RAP1B: variants seen among roughly 807,000 people sequenced by gnomAD.
The protein encoded by RAP1B is ras-related protein Rap-1b.
In RAP1B, 1 loss-of-function variant was observed where a neutral mutation model predicts 27.5. The ratio of observed to expected loss-of-function variants is 0.04; its 90% CI spans 0.01 to 0.17. The LOEUF is 0.17. Among genes scored for constraint, RAP1B ranks in the 10% least tolerant of loss-of-function variants. The pLI is 1.00. For missense variants in RAP1B, 84 were observed against 214.8 expected (o/e 0.39, Z 3.81); for synonymous variants, 75 against 73.1 (o/e 1.03, Z -0.13).
At chr12:68,648,920 T>G in intron 2 of RAP1B, 139 bp downstream of exon 2, 3 of 752,474 alleles carry the variant, frequency 4.0e-6, no homozygotes, top group Non-Finnish European at 6.3e-6. Flanking sequence ...TTCTTGTAAT[T>G]TTATTCAACT....
intron 1 of RAP1B, among the ~76,000 whole-genome samples, chr12:68,632,135 TTTTTTTTTTTGTTTG>T (rs1209013339): frequency 4.5e-5 from 6 of 133,620 alleles, no homozygotes; most frequent in African/African-American, 2.0e-4. Context: ...ATTTGTTTTT[TTTTTTTTTTTGTTTG>T]TTTTTTTTTT....
At chr12:68,639,817 C>G (rs1174652234) in intron 1 of RAP1B, among the ~76,000 whole-genome samples, 2 of 151,992 alleles carry the variant, frequency 1.3e-5, no homozygotes, top group Non-Finnish European at 2.9e-5. Flanking sequence ...CAGCCACAAA[C>G]TAATTAGCAT....
intron 1 of RAP1B, among the ~76,000 whole-genome samples, chr12:68,612,426 A>G (rs1592411384): frequency 6.6e-6 from 1 of 152,204 alleles, no homozygotes; most frequent in East Asian, 1.9e-4. Context: ...GGGACTTTTT[A>G]AGGGCCGGAA....
At chr12:68,627,352 C>G in intron 1 of RAP1B, 1 of 721,810 alleles carries the variant, frequency 1.4e-6, no homozygotes, top group Admixed American at 1.8e-5. Flanking sequence ...AGGAAAGGAA[C>G]TCAGTTGGCT....
At chr12:68,633,080 A>AT (rs1872380970) in intron 1 of RAP1B, among the ~76,000 whole-genome samples, 2 of 152,156 alleles carry the variant, frequency 1.3e-5, no homozygotes, top group South Asian at 4.1e-4. Context: ...TTTGTGCAGT[A>AT]TTTTTTTCTG....
intron 4 of RAP1B, among the ~76,000 whole-genome samples, chr12:68,652,264 A>C (rs1358567102): frequency 1.3e-5 from 2 of 151,926 alleles, no homozygotes; most frequent in Non-Finnish European, 2.9e-5. Flanking sequence ...TGGCCAACAT[A>C]GTGAAACCCC....
At chr12:68,649,090 G>T (rs1873628689) in intron 2 of RAP1B, 2 of 249,356 alleles carry the variant, frequency 8.0e-6, no homozygotes, top group East Asian at 8.4e-5. Flanking sequence ...AATAAATTTT[G>T]GTCTTTTTAT....
chr12:68,618,872 A>G (rs1419336078), intron 1 of RAP1B, among the ~76,000 whole-genome samples: 1 of 152,192 alleles, frequency 6.6e-6, no homozygotes, highest in Non-Finnish European at 1.5e-5. Flanking sequence ...TGGCGAGGCC[A>G]TGGACAGCAA....
Position 68,671,563 on chromosome 12 carries a change from T to C in RAP1B, c.*12314T>C, listed in dbSNP as rs1212789889. ...AAAACAGAATACCGAGAAGGATGTA[T>C]GTGAGGGATGCATGTGGGCACCTGG... On this transcript the variant is annotated 3_prime_UTR_variant, in exon 8 of 8. Coordinates refer to ENST00000250559, the MANE Select transcript of RAP1B (RefSeq NM_001010942.3). 2.0e-5 allele frequency: 3 copies of C among 151,788 alleles called. No individual in the cohort carries two copies. The highest frequency in any genetic ancestry group is 4.4e-5 in the Non-Finnish European group (3 of 67,936). The allele number at this position is 151,788 out of a possible 1,614,324, so 9.4% of individuals were successfully genotyped here.
At chr12:68,627,158 A>T in intron 1 of RAP1B, 1 of 1,566,352 alleles carries the variant, frequency 6.4e-7, no homozygotes, top group Non-Finnish European at 8.7e-7. Context: ...GGGGCTTCCC[A>T]AAGGCACCTC....
chr12:68,652,959 C>G (rs1189230687), intron 4 of RAP1B, among the ~76,000 whole-genome samples: 3 of 152,190 alleles, frequency 2.0e-5, no homozygotes, highest in Non-Finnish European at 2.9e-5. Context: ...CTTGTAATCC[C>G]AGCACTTTGG....
At chr12:68,642,434 T>C in intron 1 of RAP1B, 1 of 624,950 alleles carries the variant, frequency 1.6e-6, no homozygotes. Flanking sequence ...ATTATGGTGC[T>C]ATTGGTCTAC....
chr12:68,656,626 GTC>G (rs1874228118), intron 6 of RAP1B, 177 bp downstream of exon 6: 1 of 638,150 alleles, frequency 1.6e-6, no homozygotes, highest in Non-Finnish European at 2.7e-6. Flanking sequence ...TACTATTTCA[GTC>G]TCTATTAAAT....
chr12:68,620,175 T>TTGG (rs1408378906), intron 1 of RAP1B, among the ~76,000 whole-genome samples: 1 of 151,834 alleles, frequency 6.6e-6, no homozygotes, highest in Non-Finnish European at 1.5e-5. Context: ...ATGCTGTTTC[T>TTGG]TGGTGGTGGT....
chr12:68,657,115 A>G lies in RAP1B; in HGVS notation c.483A>G (p.Leu161=), dbSNP rs1441526196. ...TGTATTTGCAGATCTTTTATGACCTAGTGCGGCAAATTAACAGAAAAACTC... is the reference window on the plus strand; with the variant it reads ...TGTATTTGCAGATCTTTTATGACCTGGTGCGGCAAATTAACAGAAAAACTC... ...KINVNEIFYD[L]VRQINRKTPV... The change falls in exon 7 of 8, where the codon CTA becomes CTG. Residue 161 remains leucine, a synonymous_variant. Transcript: ENST00000250559. The G allele has an allele frequency of 4.3e-6, 7 of 1,613,510 alleles. No individual in the cohort carries two copies. Among genetic ancestry groups the G allele is most frequent in the Admixed American group, 1.7e-5 (1 of 60,004 alleles).
At chr12:68,658,482 TAAC>T (rs1290253566) in intron 7 of RAP1B, among the ~76,000 whole-genome samples, 2 of 152,212 alleles carry the variant, frequency 1.3e-5, no homozygotes, top group African/African-American at 2.4e-5. Flanking sequence ...ACATATGTAT[TAAC>T]AACTCTTCTG....
intron 1 of RAP1B, chr12:68,643,031 A>G (rs1873134084): frequency 2.7e-6 from 2 of 745,864 alleles, no homozygotes; most frequent in East Asian, 2.4e-5. Context: ...CCCACGGTCC[A>G]CTGCAGCCGC....
intron 6 of RAP1B, 65 bp from the exon 7 acceptor site, chr12:68,657,036 T>G: frequency 7.5e-7 from 1 of 1,341,812 alleles, no homozygotes. Context: ...TTTTTCAATT[T>G]ACTTTTTTCA....
chr12:68,657,561 C>T lies in RAP1B; in HGVS notation c.*30+344C>T, dbSNP rs537321106. On this transcript the variant is annotated intron_variant, in intron 7 of 7. Transcript: ENST00000250559. ...CTGGGATTACAGGCACGTGCCACCA[C>T]GCCCGGCTAGTTTTTTTGTATTTTT... The T allele has an allele frequency of 1.9e-4, 30 of 161,724 alleles. No homozygotes were observed. In the South Asian group the frequency reaches 2.5e-3, roughly 14 times the overall value. 10.0% of individuals were successfully genotyped at this position (161,724 alleles called of 1,614,324 possible).
Sources: gnomAD v4.1 joint callset for allele counts (sites outside exome capture counted in the v4.1 genomes callset) on GRCh38, gnomAD v4.1.1 for gene constraint, MANE v1.5 for transcripts, NCBI Gene and HGNC (gene_info 2026-07-23, HGNC 2026-07-21) for gene names.